Variants in CC2D2A observed in about 807,000 individuals in gnomAD.
CC2D2A encodes coiled-coil and C2 domain-containing protein 2A.
Under a neutral mutation model 212.9 loss-of-function variants are expected in CC2D2A, and 155 were observed. The ratio of observed to expected loss-of-function variants is 0.73; its 90% CI spans 0.64 to 0.83. CC2D2A has a LOEUF of 0.83. Among genes scored for constraint, CC2D2A ranks in the 40% least tolerant of loss-of-function variants. The probability of loss-of-function intolerance (pLI) is 0.00; values close to 1 mark genes in which losing one functional copy is unlikely to be tolerated. For synonymous variants in CC2D2A, 667 were observed against 686.5 expected, an observed-to-expected ratio of 0.97 and a Z score of 0.44; for missense variants, 1,856 against 1,956.2, an observed-to-expected ratio of 0.95 and a Z score of 0.97.
intron 4 of CC2D2A, 42 bp from the exon 5 acceptor site, chr4:15,502,387 C>CTT: frequency 1.9e-5 from 24 of 1,259,224 alleles, no homozygotes; most frequent in Admixed American, 5.3e-5. Flanking sequence ...TTTTCTTTTT[C>CTT]TTTTTTTTTT....
chr4:15,511,095 C>A, intron 7 of CC2D2A, 152 bp from the exon 8 acceptor site: 1 of 777,610 alleles, frequency 1.3e-6, no homozygotes, highest in South Asian at 2.3e-5. Flanking sequence ...AAGTTTATTA[C>A]CAGTAGTCTC....
intron 30 of CC2D2A, among the ~76,000 whole-genome samples, chr4:15,581,617 G>C (rs1264640635): frequency 6.6e-6 from 1 of 152,144 alleles, no homozygotes; most frequent in African/African-American, 2.4e-5. Flanking sequence ...GATAAACTAG[G>C]AAATGCCCTG....
At chr4:15,562,300 G>GCT (rs1443945024) in intron 23 of CC2D2A, among the ~76,000 whole-genome samples, 1 of 152,226 alleles carries the variant, frequency 6.6e-6, no homozygotes, top group Non-Finnish European at 1.5e-5. Context: ...CCTGTGGCCA[G>GCT]CTCTGCAAAG....
intron 29 of CC2D2A, among the ~76,000 whole-genome samples, chr4:15,576,995 T>C (rs1720443596): frequency 6.6e-6 from 1 of 152,150 alleles, no homozygotes; most frequent in African/African-American, 2.4e-5. Flanking sequence ...TTCTTTTTTG[T>C]TGTTGTTTTT....
chr4:15,507,151 T>G (rs953529292), intron 6 of CC2D2A, among the ~76,000 whole-genome samples: 1 of 152,040 alleles, frequency 6.6e-6, no homozygotes, highest in Non-Finnish European at 1.5e-5. Context: ...CTCAAAAACA[T>G]TTAAAATACT....
intron 4 of CC2D2A, among the ~76,000 whole-genome samples, chr4:15,498,729 T>C (rs1386264061): frequency 6.6e-6 from 1 of 152,242 alleles, no homozygotes; most frequent in East Asian, 1.9e-4. Flanking sequence ...GGGAGGGAAC[T>C]GGTACCTTTG....
chr4:15,532,492 A>T (rs533766563), intron 13 of CC2D2A, among the ~76,000 whole-genome samples: 2 of 152,250 alleles, frequency 1.3e-5, no homozygotes, highest in South Asian at 4.1e-4. Context: ...CCTGAGCTAA[A>T]CTATAAACTC....
At chr4:15,487,703 T>C (rs1244170830) in intron 4 of CC2D2A, among the ~76,000 whole-genome samples, 1 of 152,080 alleles carries the variant, frequency 6.6e-6, no homozygotes, top group Non-Finnish European at 1.5e-5. Context: ...ATTTGTTTTC[T>C]GGTTGTTTTG....
intron 24 of CC2D2A, among the ~76,000 whole-genome samples, chr4:15,564,763 G>A (rs1227758977): frequency 6.6e-6 from 1 of 151,930 alleles, no homozygotes. Context: ...CTGCAACCTC[G>A]ACCTCCTGGG....
At chr4:15,480,933 C>A in intron 4 of CC2D2A, 106 bp downstream of exon 4, 2 of 1,348,518 alleles carry the variant, frequency 1.5e-6, no homozygotes, top group Non-Finnish European at 2.0e-6. Context: ...CATGCATTGC[C>A]ACTGCTGCTC....
intron 27 of CC2D2A, 24 bp downstream of exon 27, chr4:15,569,413 A>G: frequency 7.4e-7 from 1 of 1,345,288 alleles, no homozygotes; most frequent in Non-Finnish European, 1.0e-6. Flanking sequence ...TTTAAGAAAG[A>G]CACTTGTATT....
intron 29 of CC2D2A, among the ~76,000 whole-genome samples, chr4:15,575,646 C>G (rs1009338512): frequency 2.6e-5 from 4 of 152,108 alleles, no homozygotes; most frequent in African/African-American, 7.2e-5. Flanking sequence ...CTCCCATCTG[C>G]AATGCACTGA....
chr4:15,497,849 T>C (rs1289653917), intron 4 of CC2D2A, among the ~76,000 whole-genome samples: 1 of 141,530 alleles, frequency 7.1e-6, no homozygotes, highest in East Asian at 2.0e-4. Flanking sequence ...AAGCAGGATC[T>C]TTGTGGTATA....
intron 28 of CC2D2A, among the ~76,000 whole-genome samples, chr4:15,572,796 G>A (rs1468706990): frequency 6.6e-6 from 1 of 152,098 alleles, no homozygotes; most frequent in East Asian, 1.9e-4. Context: ...GCCAATCCGA[G>A]TCCCAAAACC....
intron 20 of CC2D2A, among the ~76,000 whole-genome samples, chr4:15,557,090 A>G (rs992511342): frequency 6.6e-6 from 1 of 152,204 alleles, no homozygotes; most frequent in Non-Finnish European, 1.5e-5. Flanking sequence ...AGTGAAACAT[A>G]TAATTTTTAT....
intron 20 of CC2D2A, among the ~76,000 whole-genome samples, chr4:15,555,936 C>T (rs958335037): frequency 2.6e-5 from 4 of 152,178 alleles, no homozygotes; most frequent in Non-Finnish European, 4.4e-5. Flanking sequence ...GATTTGATTT[C>T]AGGACACTTG....
chr4:15,496,909 A>G (rs1715650571), intron 4 of CC2D2A, among the ~76,000 whole-genome samples: 1 of 152,216 alleles, frequency 6.6e-6, no homozygotes, highest in Non-Finnish European at 1.5e-5. Flanking sequence ...GAAAGAAATC[A>G]GAGATAACAC....
At chr4:15,524,407 A>T (rs950949336) in intron 11 of CC2D2A, among the ~76,000 whole-genome samples, 3 of 150,600 alleles carry the variant, frequency 2.0e-5, no homozygotes, top group Admixed American at 1.3e-4. Context: ...CTGGGATTAC[A>T]GGCATGAGCC....
At chr4:15,501,311 A>G (rs1030619236) in intron 4 of CC2D2A, among the ~76,000 whole-genome samples, 1 of 151,976 alleles carries the variant, frequency 6.6e-6, no homozygotes, top group African/African-American at 2.4e-5. Context: ...ACTTACTCAC[A>G]CTGACCCCCT....
Sources: allele counts gnomAD v4.1 joint callset (sites outside exome capture counted in the v4.1 genomes callset), GRCh38; gene constraint gnomAD v4.1.1; transcripts MANE v1.5; gene names NCBI Gene and HGNC (gene_info 2026-07-23, HGNC 2026-07-21).